The following DPP6 variants were observed in gnomAD, a reference collection of about 807,000 sequenced individuals.
The protein encoded by DPP6 is A-type potassium channel modulatory protein DPP6.
Under a neutral mutation model 122.6 loss-of-function variants are expected in DPP6, and 69 were observed. The ratio of observed to expected loss-of-function variants is 0.56; its 90% confidence interval spans 0.46 to 0.69. The LOEUF (loss-of-function observed/expected upper bound fraction) is 0.69, where lower values mean the gene tolerates loss of function less well. Ranked by LOEUF, DPP6 falls within the 30% of genes least tolerant of loss-of-function variation. DPP6 has a pLI of 0.00. For synonymous variants in DPP6, 418 were observed against 433.1 expected, an observed-to-expected ratio of 0.97 and a Z score of 0.43; for missense variants, 928 against 1,116.9, an observed-to-expected ratio of 0.83 and a Z score of 2.41.
intron 1 of DPP6, among the ~76,000 whole-genome samples, chr7:154,290,576 A>C (rs1047150850): frequency 1.3e-5 from 2 of 149,616 alleles, no homozygotes; most frequent in African/African-American, 4.9e-5. Flanking sequence ...CGGGAGGTGG[A>C]GGTTGCAGTG....
chr7:154,137,643 GGGGGGGT>G (rs1342248844), intron 1 of DPP6, among the ~76,000 whole-genome samples: 2 of 48,598 alleles, frequency 4.1e-5, no homozygotes, highest in African/African-American at 8.8e-5. Flanking sequence ...GGAGATGGTG[GGGGGGGT>G]GGGGGGGTGG....
chr7:154,814,198 A>G (rs1482141944), intron 16 of DPP6, among the ~76,000 whole-genome samples: 2 of 152,066 alleles, frequency 1.3e-5, no homozygotes, highest in Non-Finnish European at 2.9e-5. Context: ...GTACATTTCT[A>G]ATTACATTAT....
chr7:153,955,805 G>A (rs1802433163), intron 1 of DPP6, among the ~76,000 whole-genome samples: 1 of 152,328 alleles, frequency 6.6e-6, no homozygotes, highest in South Asian at 2.1e-4. Context: ...AGGTCACACA[G>A]TGGTAAATGG....
intron 10 of DPP6, 39 bp from the exon 11 acceptor site, chr7:154,794,040 G>A (rs1201217639): frequency 1.9e-6 from 3 of 1,599,960 alleles, no homozygotes; most frequent in Non-Finnish European, 2.6e-6. Flanking sequence ...TCGTGCGGGG[G>A]TCCTGCCAAG....
At chr7:154,712,330 T>C (rs1841239015) in intron 7 of DPP6, among the ~76,000 whole-genome samples, 1 of 152,186 alleles carries the variant, frequency 6.6e-6, no homozygotes, top group African/African-American at 2.4e-5. Context: ...TTCTATCTAA[T>C]AAATCAAGAA....
chr7:154,869,510 C>A (rs923209005), intron 18 of DPP6, among the ~76,000 whole-genome samples: 2 of 152,234 alleles, frequency 1.3e-5, no homozygotes, highest in East Asian at 3.8e-4. Context: ...CAGGTGGGCT[C>A]ACAAGAGGAG....
chr7:154,170,730 C>T (rs952209338), intron 1 of DPP6, among the ~76,000 whole-genome samples: 3 of 152,198 alleles, frequency 2.0e-5, no homozygotes, highest in Admixed American at 1.3e-4. Context: ...GAGAAGCTTG[C>T]GTTTACAAGT....
chr7:154,404,065 G>A (rs984386429), intron 1 of DPP6, among the ~76,000 whole-genome samples: 4 of 152,252 alleles, frequency 2.6e-5, no homozygotes, highest in African/African-American at 9.6e-5. Context: ...CTCATTATAG[G>A]TTTTATTCAA....
At chr7:154,126,035 G>A (rs1350462488) in intron 1 of DPP6, among the ~76,000 whole-genome samples, 1 of 152,132 alleles carries the variant, frequency 6.6e-6, no homozygotes, top group Non-Finnish European at 1.5e-5. Context: ...CATTCATTAC[G>A]TGCTCACTGT....
chr7:154,303,083 G>A (rs1806017848), intron 1 of DPP6, among the ~76,000 whole-genome samples: 1 of 152,226 alleles, frequency 6.6e-6, no homozygotes, highest in African/African-American at 2.4e-5. Context: ...TCAGGTTCAA[G>A]CGATTCTCCT....
chr7:154,627,170 G>T (rs1025595473), intron 5 of DPP6, among the ~76,000 whole-genome samples: 3 of 144,010 alleles, frequency 2.1e-5, no homozygotes, highest in Non-Finnish European at 3.0e-5. Context: ...CCACCACCAC[G>T]CCTGGCTAAT....
At chr7:153,850,762 G>T in the DPP6 span, among the ~76,000 whole-genome samples, 2 of 152,122 alleles carry the variant, frequency 1.3e-5, no homozygotes, top group Admixed American at 1.3e-4. Flanking sequence ...GATTTAGTGA[G>T]ACTTATTCAC....
At chr7:153,797,961 G>C in the DPP6 span, among the ~76,000 whole-genome samples, 34 of 152,108 alleles carry the variant, frequency 2.2e-4, no homozygotes, top group East Asian at 3.9e-4. Context: ...CCTGCCTCAG[G>C]CTCCCAAGTA....
chr7:154,767,498 C>T (rs530585876), intron 8 of DPP6, among the ~76,000 whole-genome samples: 12 of 152,304 alleles, frequency 7.9e-5, no homozygotes, highest in Non-Finnish European at 1.8e-4. Flanking sequence ...ACGTCCACCT[C>T]CTGGCTGCCA....
chr7:154,060,190 C>T (rs1283333555), intron 1 of DPP6, among the ~76,000 whole-genome samples: 30 of 141,888 alleles, frequency 2.1e-4, no homozygotes, highest in South Asian at 1.1e-3. Context: ...CCCCTCACGA[C>T]ACGGGGACTG....
intron 1 of DPP6, among the ~76,000 whole-genome samples, chr7:154,394,279 CAGT>C (rs376569141): frequency 8.5e-5 from 13 of 152,262 alleles, no homozygotes; most frequent in African/African-American, 2.9e-4. Flanking sequence ...TTGTTTTTAA[CAGT>C]AGCCATCCTA....
chr7:154,305,215 T>G, intron 1 of DPP6: 5 of 1,149,962 alleles, frequency 4.3e-6, no homozygotes, highest in East Asian at 4.4e-5. Context: ...GCAGTTATCA[T>G]TGTTTCTGTG....
upstream of DPP6, among the ~76,000 whole-genome samples, chr7:154,050,517 T>C (rs901196080): frequency 2.0e-5 from 3 of 151,890 alleles, no homozygotes; most frequent in Non-Finnish European, 2.9e-5. Context: ...CTGCGGTGAA[T>C]AGCATGAGCT....
chr7:154,123,525 C>T (rs1807648241), intron 1 of DPP6, among the ~76,000 whole-genome samples: 1 of 152,116 alleles, frequency 6.6e-6, no homozygotes, highest in Admixed American at 6.5e-5. Flanking sequence ...TAATTCTATT[C>T]TTCCTTGAGG....
Sources: allele counts gnomAD v4.1 joint callset (sites outside exome capture counted in the v4.1 genomes callset), GRCh38; gene constraint gnomAD v4.1.1; transcripts MANE v1.5; gene names NCBI Gene and HGNC (gene_info 2026-07-23, HGNC 2026-07-21).